Variants in MDGA2 observed in about 807,000 individuals in gnomAD.
MDGA2 encodes MAM domain-containing glycosylphosphatidylinositol anchor protein 2.
MDGA2 carries 40 observed loss-of-function variants against 117.8 expected under a neutral mutation model. The observed-to-expected ratio is 0.34, with a 90% CI of 0.26 to 0.44. The LOEUF (loss-of-function observed/expected upper bound fraction) is 0.44, where lower values mean the gene tolerates loss of function less well. MDGA2 is among the 20% of genes least tolerant of loss of function. The probability of loss-of-function intolerance (pLI) is 1.00; values close to 1 mark genes in which losing one functional copy is unlikely to be tolerated. For missense variants in MDGA2, 1,123 were observed against 1,250.6 expected, an observed-to-expected ratio of 0.90 and a Z score of 1.54; for synonymous variants, 452 against 439.0, an observed-to-expected ratio of 1.03 and a Z score of -0.37.
intron 1 of MDGA2, among the ~76,000 whole-genome samples, chr14:47,318,977 A>G (rs544584512): frequency 1.1e-4 from 17 of 152,330 alleles, no homozygotes; most frequent in South Asian, 8.3e-4. Flanking sequence ...AATATCTCTT[A>G]TGGTAAGATA....
At chr14:47,309,806 G>A (rs1889576861) in intron 1 of MDGA2, among the ~76,000 whole-genome samples, 1 of 151,964 alleles carries the variant, frequency 6.6e-6, no homozygotes, top group Admixed American at 6.6e-5. Context: ...TATTTTGAAA[G>A]ACAGATGAAA....
chr14:47,472,362 T>C (rs1039656492), intron 1 of MDGA2, among the ~76,000 whole-genome samples: 2 of 152,198 alleles, frequency 1.3e-5, no homozygotes, highest in African/African-American at 4.8e-5. Flanking sequence ...TTATATGGCA[T>C]AGCCTATCAC....
At chr14:46,874,623 A>G (rs1882151385) in intron 12 of MDGA2, among the ~76,000 whole-genome samples, 1 of 151,902 alleles carries the variant, frequency 6.6e-6, no homozygotes, top group East Asian at 1.9e-4. Context: ...CTTTAAGTTT[A>G]TAATTTTTCA....
At chr14:47,473,801 T>C (rs1203960774) in intron 1 of MDGA2, among the ~76,000 whole-genome samples, 3 of 152,096 alleles carry the variant, frequency 2.0e-5, no homozygotes, top group Non-Finnish European at 2.9e-5. Context: ...CTCAATAAAC[T>C]AGATATTGAA....
intron 1 of MDGA2, among the ~76,000 whole-genome samples, chr14:47,381,570 G>C (rs532887674): frequency 1.1e-4 from 16 of 152,178 alleles, no homozygotes; most frequent in Non-Finnish European, 1.8e-4. Flanking sequence ...ACCAATAACA[G>C]ACAAACAGAG....
chr14:47,301,640 T>C (rs892214570), intron 1 of MDGA2, 90 bp from the exon 2 acceptor site: 1 of 1,341,248 alleles, frequency 7.5e-7, no homozygotes, highest in African/African-American at 1.5e-5. Flanking sequence ...AAGCAATTCT[T>C]ATTAGACTTC....
At chr14:47,666,478 A>G (rs879985056) in intron 1 of MDGA2, among the ~76,000 whole-genome samples, 1 of 152,184 alleles carries the variant, frequency 6.6e-6, no homozygotes, top group South Asian at 2.1e-4. Context: ...GTTTGTAAAT[A>G]CACCAATCGA....
chr14:46,881,442 T>C (rs1001746058), intron 11 of MDGA2, among the ~76,000 whole-genome samples: 2 of 152,188 alleles, frequency 1.3e-5, no homozygotes, highest in Non-Finnish European at 2.9e-5. Flanking sequence ...AGAAATTATA[T>C]ACACTTGTCA....
intron 1 of MDGA2, among the ~76,000 whole-genome samples, chr14:47,437,702 G>C (rs2138540269): frequency 6.6e-6 from 1 of 152,236 alleles, no homozygotes; most frequent in African/African-American, 2.4e-5. Flanking sequence ...CCTAATTTAA[G>C]AATATGATCA....
chr14:47,621,144 A>T, intron 1 of MDGA2, among the ~76,000 whole-genome samples: 1 of 151,898 alleles, frequency 6.6e-6, no homozygotes, highest in Non-Finnish European at 1.5e-5. Context: ...AACTCCCACC[A>T]CTCATATTCT....
chr14:47,289,338 C>CACACACACAG (rs3039469), intron 2 of MDGA2, among the ~76,000 whole-genome samples: 2 of 148,320 alleles, frequency 1.3e-5, no homozygotes, highest in Admixed American at 6.8e-5. Flanking sequence ...CACACACACA[C>CACACACACAG]GCACACACTC....
chr14:47,561,450 G>A (rs112355480), intron 1 of MDGA2, among the ~76,000 whole-genome samples: 168 of 151,748 alleles, frequency 1.1e-3, no homozygotes, highest in African/African-American at 3.8e-3. Flanking sequence ...TCACCTCCCC[G>A]GTTAACTGTA....
chr14:47,620,110 G>A lies in MDGA2; in HGVS notation c.280+54407C>T, dbSNP rs77820617. ...TTAAATATTGAAGGATGGATATGAG[G>A]ACCTAACCATGCATGTAATATGAAA... On this transcript the variant is annotated intron_variant, in intron 1 of 16. Transcript: ENST00000399232. Among the ~76,000 whole-genome samples the A allele has an allele frequency of 2.6e-3, 390 of 152,304 alleles. 3 individuals carry two copies. The highest frequency in any genetic ancestry group is 9.1e-3 in the African/African-American group (380 of 41,574).
At chr14:47,057,060 T>A (rs1489490699) in intron 7 of MDGA2, among the ~76,000 whole-genome samples, 1 of 152,088 alleles carries the variant, frequency 6.6e-6, no homozygotes, top group East Asian at 1.9e-4. Flanking sequence ...TAAACCAATA[T>A]AATTTGCTTA....
At chr14:47,402,954 C>T (rs1017832468) in intron 1 of MDGA2, among the ~76,000 whole-genome samples, 1 of 152,136 alleles carries the variant, frequency 6.6e-6, no homozygotes, top group Non-Finnish European at 1.5e-5. Flanking sequence ...CATTTGGCAC[C>T]ATCACTTAAC....
At chr14:47,300,860 T>C (rs1055490021) in intron 2 of MDGA2, among the ~76,000 whole-genome samples, 1 of 152,140 alleles carries the variant, frequency 6.6e-6, no homozygotes, top group African/African-American at 2.4e-5. Flanking sequence ...TTGCTTCTAT[T>C]AAATTAGTTT....
At chr14:46,854,567 T>C (rs1207061641) in intron 15 of MDGA2, among the ~76,000 whole-genome samples, 1 of 151,786 alleles carries the variant, frequency 6.6e-6, no homozygotes, top group African/African-American at 2.4e-5. Context: ...AAAGTCATCT[T>C]AATTTTAATA....
In MDGA2 at chr14:47,320,743, A is replaced by G. The variant is rs118127470; in HGVS notation, c.281-19193T>C. Among the ~76,000 whole-genome samples, 583 of 152,308 alleles carry G rather than the reference A, an allele frequency of 3.8e-3. 3 individuals carry two copies. The highest frequency in any genetic ancestry group is 6.2e-3 in the Non-Finnish European group (421 of 68,030). On this transcript the variant is annotated intron_variant, in intron 1 of 16. Transcript: ENST00000399232. ...ATTGTACCTTAAACTTACATATAGT[A>G]AACTTAAGTGAAGGATGGTTATAAA...
At chr14:47,187,423 T>A (rs956310986) in intron 3 of MDGA2, among the ~76,000 whole-genome samples, 3 of 151,988 alleles carry the variant, frequency 2.0e-5, no homozygotes, top group African/African-American at 7.2e-5. Context: ...TCAGGAAAGG[T>A]GACTTACATG....
Sources: allele counts gnomAD v4.1 joint callset (sites outside exome capture counted in the v4.1 genomes callset), GRCh38; gene constraint gnomAD v4.1.1; transcripts MANE v1.5; gene names NCBI Gene and HGNC (gene_info 2026-07-23, HGNC 2026-07-21).